ANKFN1: variants seen among roughly 807,000 people sequenced by gnomAD.
ANKFN1 encodes the protein ankyrin repeat and fibronectin type-III domain-containing protein 1.
In ANKFN1, 74 loss-of-function variants were observed where a neutral mutation model predicts 108.7. The ratio of observed to expected loss-of-function variants is 0.68; its 90% CI spans 0.56 to 0.83. The LOEUF (loss-of-function observed/expected upper bound fraction) is 0.83. ANKFN1 is among the 40% of genes least tolerant of loss of function. ANKFN1 has a pLI of 0.00. For synonymous variants in ANKFN1, 547 were observed against 516.2 expected, an observed-to-expected ratio of 1.06 and a Z score of -0.81; for missense variants, 1,505 against 1,382.3, an observed-to-expected ratio of 1.09 and a Z score of -1.41.
At chr17:56,382,032 A>G (rs1408642810) in intron 8 of ANKFN1, among the ~76,000 whole-genome samples, 1 of 152,164 alleles carries the variant, frequency 6.6e-6, no homozygotes, top group East Asian at 1.9e-4. Context: ...AGGGCAGCCA[A>G]AGAGAAAGGT....
At chr17:56,054,269 C>T (rs900111786) in intron 4 of ANKFN1, among the ~76,000 whole-genome samples, 1 of 152,192 alleles carries the variant, frequency 6.6e-6, no homozygotes, top group Non-Finnish European at 1.5e-5. Context: ...GACACTTAAA[C>T]ATGTGCATGA....
chr17:56,466,128 G>A (rs2050065459), intron 14 of ANKFN1, among the ~76,000 whole-genome samples: 1 of 151,994 alleles, frequency 6.6e-6, no homozygotes, highest in Non-Finnish European at 1.5e-5. Flanking sequence ...GCATCTTGCT[G>A]TAATCTTTGC....
Position 56,116,365 on chromosome 17 carries a change from C to A in ANKFN1, c.288+70040C>A, listed in dbSNP as rs145132127. Among the ~76,000 whole-genome samples the A allele has an allele frequency of 2.0e-3, 306 of 152,222 alleles. 3 individuals carry two copies. Among genetic ancestry groups the A allele is most frequent in the African/African-American group, 6.9e-3 (287 of 41,540 alleles). On this transcript the variant is annotated intron_variant, in intron 4 of 12. Transcript: ENST00000635860. ...AAGGATTTACAATCCAGTGGATAAA[C>A]AAAAGGTAGTATTGTTTGCATATGG...
At chr17:56,469,325 T>C (rs1286886766) in intron 15 of ANKFN1, among the ~76,000 whole-genome samples, 1 of 151,302 alleles carries the variant, frequency 6.6e-6, no homozygotes, top group Non-Finnish European at 1.5e-5. Flanking sequence ...TGAGGGCTGG[T>C]ATCCAATCCC....
At chr17:56,070,398 G>A (rs1268694139) in intron 4 of ANKFN1, among the ~76,000 whole-genome samples, 1 of 152,014 alleles carries the variant, frequency 6.6e-6, no homozygotes, top group Non-Finnish European at 1.5e-5. Flanking sequence ...TCCCCTATGT[G>A]TCTCCCCTGT....
intron 4 of ANKFN1, among the ~76,000 whole-genome samples, chr17:56,055,817 G>T (rs903727606): frequency 7.3e-5 from 11 of 151,094 alleles, no homozygotes; most frequent in African/African-American, 2.2e-4. Flanking sequence ...TTCCATAGAG[G>T]TTGAAATAAT....
intron 3 of ANKFN1, among the ~76,000 whole-genome samples, chr17:56,231,334 G>A (rs999988582): frequency 6.6e-6 from 1 of 152,086 alleles, no homozygotes; most frequent in African/African-American, 2.4e-5. Context: ...CTCATTCTGG[G>A]TGCCTTTTCT....
intron 8 of ANKFN1, among the ~76,000 whole-genome samples, chr17:56,391,838 A>G (rs781331322): frequency 7.2e-5 from 11 of 152,308 alleles, no homozygotes; most frequent in South Asian, 2.1e-4. Flanking sequence ...AGTCTCATGT[A>G]AGCCATAATG....
chr17:56,477,421 A>C (rs954068565), intron 15 of ANKFN1, 67 bp from the exon 16 acceptor site: 63 of 1,421,326 alleles, frequency 4.4e-5, no homozygotes, highest in Non-Finnish European at 5.4e-5. Context: ...TAGAAAGGAA[A>C]AGGTTTTGAG....
intron 3 of ANKFN1, among the ~76,000 whole-genome samples, chr17:56,297,858 C>T (rs565405393): frequency 6.6e-6 from 1 of 152,298 alleles, no homozygotes; most frequent in African/African-American, 2.4e-5. Flanking sequence ...AACTGTACAA[C>T]ACTGGGGAGT....
chr17:56,081,782 C>G (rs1039855048), intron 4 of ANKFN1, among the ~76,000 whole-genome samples: 1 of 152,108 alleles, frequency 6.6e-6, no homozygotes, highest in Non-Finnish European at 1.5e-5. Context: ...AAGCACAGTG[C>G]GTTTAGGAGG....
At chr17:56,191,937 T>G (rs1429925795) in intron 1 of ANKFN1, among the ~76,000 whole-genome samples, 1 of 151,870 alleles carries the variant, frequency 6.6e-6, no homozygotes, top group Non-Finnish European at 1.5e-5. Flanking sequence ...TTCTCTATAC[T>G]TCCCTTCTCG....
At chr17:56,384,206 A>C (rs2047191749) in intron 8 of ANKFN1, among the ~76,000 whole-genome samples, 1 of 152,234 alleles carries the variant, frequency 6.6e-6, no homozygotes, top group Non-Finnish European at 1.5e-5. Flanking sequence ...TCCAGCATGT[A>C]AACAGAACCA....
intron 8 of ANKFN1, among the ~76,000 whole-genome samples, chr17:56,415,095 C>G (rs554682177): frequency 6.6e-6 from 1 of 152,192 alleles, no homozygotes; most frequent in South Asian, 2.1e-4. Context: ...CTACATATAA[C>G]AGACTCACAG....
At chr17:56,231,594 G>C (rs1366738229) in intron 3 of ANKFN1, among the ~76,000 whole-genome samples, 1 of 152,144 alleles carries the variant, frequency 6.6e-6, no homozygotes, top group African/African-American at 2.4e-5. Context: ...ACAGTCCTCT[G>C]TTTCCAAAGG....
chr17:56,184,132 G>T (rs1031531603), intron 1 of ANKFN1, among the ~76,000 whole-genome samples: 1 of 152,170 alleles, frequency 6.6e-6, no homozygotes, highest in Non-Finnish European at 1.5e-5. Context: ...TTTGAAAGAA[G>T]TTCTGCTGTG....
At chr17:56,395,630 A>T (rs1808304) in intron 8 of ANKFN1, among the ~76,000 whole-genome samples, 1 of 152,074 alleles carries the variant, frequency 6.6e-6, no homozygotes, top group Non-Finnish European at 1.5e-5. Flanking sequence ...AGGCAGATCA[A>T]TTGAGGTCAA....
At chr17:56,399,677 G>A (rs1043657083) in intron 8 of ANKFN1, among the ~76,000 whole-genome samples, 1 of 151,680 alleles carries the variant, frequency 6.6e-6, no homozygotes, top group Admixed American at 6.6e-5. Context: ...TTATTCTTAT[G>A]CCTTTGCGTC....
intron 1 of ANKFN1, among the ~76,000 whole-genome samples, chr17:56,179,272 G>A (rs2215767): frequency 0.32 from 47,979 of 152,048 alleles, 9,055 homozygotes; most frequent in East Asian, 0.51. Flanking sequence ...GAGACTCCCT[G>A]TTAACACTTT....
Sources: gnomAD v4.1 joint callset for allele counts (sites outside exome capture counted in the v4.1 genomes callset) on GRCh38, gnomAD v4.1.1 for gene constraint, MANE v1.5 for transcripts, NCBI Gene and HGNC (gene_info 2026-07-23, HGNC 2026-07-21) for gene names.